The following RANBP2 variants were observed in gnomAD, a reference collection of about 807,000 sequenced individuals.
RANBP2 encodes E3 SUMO-protein ligase RanBP2.
In RANBP2, 57 loss-of-function variants were observed where a neutral mutation model predicts 303.6. That is an observed-to-expected ratio of 0.19 (90% CI 0.15 to 0.23). RANBP2 has a LOEUF of 0.23. Ranked by LOEUF, RANBP2 falls within the 10% of genes least tolerant of loss-of-function variation. RANBP2 has a pLI of 1.00. For synonymous variants in RANBP2, 1,167 were observed against 1,301.5 expected (o/e 0.90, Z 2.23); for missense variants, 3,138 against 3,780.8 (o/e 0.83, Z 4.46).
At chr2:108,817,289 A>G in the RANBP2 span, among the ~76,000 whole-genome samples, 1 of 151,396 alleles carries the variant, frequency 6.6e-6, no homozygotes, top group Non-Finnish European at 1.5e-5. Flanking sequence ...GAATTCAGAT[A>G]ATCTTTTTTC....
At chr2:109,704,011 T>G in the RANBP2 span, among the ~76,000 whole-genome samples, 1 of 152,178 alleles carries the variant, frequency 6.6e-6, no homozygotes, top group Non-Finnish European at 1.5e-5. Context: ...CTTCTCACAC[T>G]GAGGGAGACT....
the RANBP2 span, among the ~76,000 whole-genome samples, chr2:109,205,752 G>A: frequency 3.9e-5 from 6 of 152,196 alleles, no homozygotes; most frequent in Non-Finnish European, 8.8e-5. Flanking sequence ...AGGCAGCCCC[G>A]CTCTGTGCAG....
At chr2:109,160,287 C>G in the RANBP2 span, among the ~76,000 whole-genome samples, 3 of 152,168 alleles carry the variant, frequency 2.0e-5, no homozygotes, top group South Asian at 2.1e-4. Context: ...AGGTTGCTGC[C>G]CAAGACAGAG....
chr2:109,197,736 G>A, the RANBP2 span, among the ~76,000 whole-genome samples: 6 of 152,240 alleles, frequency 3.9e-5, no homozygotes, highest in Non-Finnish European at 7.3e-5. Flanking sequence ...GTAGAAGGGT[G>A]GCCCTGGCCC....
chr2:109,497,985 C>T, the RANBP2 span, among the ~76,000 whole-genome samples: 1 of 152,168 alleles, frequency 6.6e-6, no homozygotes, highest in Non-Finnish European at 1.5e-5. Flanking sequence ...GGTAGGATGG[C>T]GCTGATCCTG....
chr2:109,375,598 G>C, the RANBP2 span, among the ~76,000 whole-genome samples: 195 of 152,356 alleles, frequency 1.3e-3, 2 homozygotes, highest in African/African-American at 3.9e-3. Flanking sequence ...AGGGGAGTGA[G>C]GATGAGCCAG....
rs370213139 is a variant in RANBP2, at chr2:108,766,629, A to T, written c.6090A>T (p.Glu2030Asp). 2 of 1,612,034 alleles carry T rather than the reference A, an allele frequency of 1.2e-6. No individual in the cohort carries two copies. Among genetic ancestry groups the T allele is most frequent in the African/African-American group, 1.3e-5 (1 of 74,972 alleles). ...PEKVELVTGEEDEKVLYSQRV... is the reference protein window; with the variant it reads ...PEKVELVTGEDDEKVLYSQRV... ...AAGTAGAACTTGTAACAGGAGAAGA[A>T]GATGAAAAAGTTCTGTATTCACAGC... Residue 2030 changes from glutamate to aspartate, a missense_variant, in exon 20 of 29, where the codon GAA (glutamate) becomes GAT (aspartate). Glu to Asp is a conservative substitution (Grantham distance 45). This residue lies in a region of RANBP2 where 348 missense variants were observed against 360.4 expected (regional missense o/e 0.97). Coordinates refer to ENST00000283195, the MANE Select transcript of RANBP2 (RefSeq NM_006267.5).
chr2:109,074,862 A>T, the RANBP2 span, among the ~76,000 whole-genome samples: 1 of 148,454 alleles, frequency 6.7e-6, no homozygotes, highest in African/African-American at 2.4e-5. Context: ...CTCTACTAAA[A>T]ATACAAAAAT....
the RANBP2 span, among the ~76,000 whole-genome samples, chr2:109,557,170 TAAAA>T: frequency 6.6e-6 from 1 of 151,300 alleles, no homozygotes; most frequent in African/African-American, 2.4e-5. Context: ...TAAAGTATAA[TAAAA>T]AAAAATTTAA....
the RANBP2 span, among the ~76,000 whole-genome samples, chr2:109,187,280 C>G: frequency 2.6e-5 from 4 of 152,120 alleles, no homozygotes; most frequent in Non-Finnish European, 4.4e-5. Context: ...ACTCTTCGAT[C>G]TGATGTGACC....
the RANBP2 span, among the ~76,000 whole-genome samples, chr2:109,655,843 G>T: frequency 6.6e-6 from 1 of 152,072 alleles, no homozygotes; most frequent in Non-Finnish European, 1.5e-5. Context: ...TAAGCAACTC[G>T]TTTTCAGAGT....
chr2:109,368,854 G>A, the RANBP2 span, among the ~76,000 whole-genome samples: 4 of 152,128 alleles, frequency 2.6e-5, no homozygotes, highest in African/African-American at 9.7e-5. Flanking sequence ...TGTGTGGGAA[G>A]CCTTTGGTTA....
the RANBP2 span, chr2:108,923,326 G>A: frequency 1.3e-6 from 2 of 1,585,924 alleles, no homozygotes; most frequent in Admixed American, 1.7e-5. Flanking sequence ...AGGGATCCGT[G>A]CTGAACAAAT....
the RANBP2 span, among the ~76,000 whole-genome samples, chr2:109,079,511 A>G: frequency 6.6e-6 from 1 of 152,194 alleles, no homozygotes; most frequent in Non-Finnish European, 1.5e-5. Flanking sequence ...ATCGTGCTGT[A>G]TACCTTAAAT....
the RANBP2 span, among the ~76,000 whole-genome samples, chr2:109,450,835 T>C: frequency 6.6e-6 from 1 of 152,378 alleles, no homozygotes; most frequent in Non-Finnish European, 1.5e-5. Flanking sequence ...GGGATTGTTC[T>C]CTCTTGGCTT....
At chr2:109,432,516 C>T in the RANBP2 span, 10,184 of 1,613,478 alleles carry the variant, frequency 6.3e-3, 48 homozygotes, top group Non-Finnish European at 7.5e-3. Context: ...TGGCGCTCTA[C>T]GCCTACAAGC....
At chr2:109,479,833 A>G in the RANBP2 span, among the ~76,000 whole-genome samples, 1 of 152,158 alleles carries the variant, frequency 6.6e-6, no homozygotes, top group Non-Finnish European at 1.5e-5. Context: ...ACCACTGATG[A>G]AGACCCCGGG....
chr2:109,514,577 C>G, the RANBP2 span, among the ~76,000 whole-genome samples: 1 of 152,168 alleles, frequency 6.6e-6, no homozygotes, highest in African/African-American at 2.4e-5. Context: ...CCAGGGCCGT[C>G]CCTAGAGTTG....
chr2:108,836,913 T>C, the RANBP2 span, among the ~76,000 whole-genome samples: 1 of 152,216 alleles, frequency 6.6e-6, no homozygotes, highest in Non-Finnish European at 1.5e-5. Flanking sequence ...ATTGATTTTG[T>C]ATTCAGCAAC....
Sources: gnomAD v4.1 joint callset for allele counts (sites outside exome capture counted in the v4.1 genomes callset) on GRCh38, gnomAD v4.1.1 for gene constraint, gnomAD v4.1.1 regional missense constraint, MANE v1.5 for transcripts, NCBI Gene and HGNC (gene_info 2026-07-23, HGNC 2026-07-21) for gene names.